The following SGK3 variants were observed in gnomAD, a reference collection of about 807,000 sequenced individuals.
The protein encoded by SGK3 is serine/threonine-protein kinase Sgk3.
In SGK3, 47 loss-of-function variants were observed where a neutral mutation model predicts 68.5. That is an observed-to-expected ratio of 0.69 (90% CI 0.54 to 0.87). SGK3 has a LOEUF of 0.87. Among genes scored for constraint, SGK3 ranks in the 40% least tolerant of loss-of-function variants. The pLI is 0.00. For missense variants in SGK3, 479 were observed against 575.5 expected, an observed-to-expected ratio of 0.83 and a Z score of 1.72; for synonymous variants, 181 against 189.1, an observed-to-expected ratio of 0.96 and a Z score of 0.35.
At chr8:66,777,733 A>G (rs1048772589) in intron 1 of SGK3, among the ~76,000 whole-genome samples, 1 of 152,192 alleles carries the variant, frequency 6.6e-6, no homozygotes, top group Non-Finnish European at 1.5e-5. Context: ...CCAGAGTGAA[A>G]AGCCTGACAT....
At chr8:66,718,449 A>G (rs755075416) in intron 1 of SGK3, among the ~76,000 whole-genome samples, 17 of 147,162 alleles carry the variant, frequency 1.2e-4, no homozygotes, top group South Asian at 2.2e-4. Context: ...TATATATATT[A>G]TGTGTGTGTG....
At chr8:66,745,686 A>G (rs988871353) in intron 1 of SGK3, among the ~76,000 whole-genome samples, 1 of 152,208 alleles carries the variant, frequency 6.6e-6, no homozygotes, top group African/African-American at 2.4e-5. Context: ...AGAATGCCTG[A>G]GACTGGGTAA....
Position 66,859,547 on chromosome 8 carries a change from C to T in SGK3, c.1457C>T (p.Ser486Phe). The T allele has an allele frequency of 6.2e-7, 1 of 1,612,440 alleles. No homozygotes were observed. Among genetic ancestry groups the T allele is most frequent in the Non-Finnish European group, 8.5e-7 (1 of 1,178,948 alleles). ...GCAGATGATGCATTCGTTGGTTTCTCTTATGCACCTCCTTCAGAAGACTTA... is the reference window on the plus strand; with the variant it reads ...GCAGATGATGCATTCGTTGGTTTCTTTTATGCACCTCCTTCAGAAGACTTA... ...LEADDAFVGF[S>F]YAPPSEDLFL The change falls in exon 17 of 17, where the codon TCT becomes TTT. Residue 486 changes from serine to phenylalanine, a missense_variant. Physicochemically the swap from Ser to Phe is radical, Grantham distance 155 (BLOSUM62 -2). Transcript: ENST00000521198.
chr8:66,847,012 C>G (rs149107758), intron 14 of SGK3, among the ~76,000 whole-genome samples, 181 bp from the exon 15 acceptor site: 180 of 152,270 alleles, frequency 1.2e-3, no homozygotes, highest in African/African-American at 4.2e-3. Flanking sequence ...TTATTAAGCT[C>G]TGTGATGTGT....
chr8:66,736,118 G>A (rs1265202313), intron 1 of SGK3, among the ~76,000 whole-genome samples: 1 of 152,098 alleles, frequency 6.6e-6, no homozygotes, highest in Non-Finnish European at 1.5e-5. Context: ...ATTATAGGTC[G>A]AATGGTGGTT....
rs369610735 is a variant in SGK3 at position 66,835,932 on chromosome 8, C to G, written c.610-11C>G. On this transcript the variant is annotated splice_polypyrimidine_tract_variant and intron_variant, in intron 9 of 16. Transcript: ENST00000521198. Reference sequence around the variant, plus strand: ...GTGTATAATACAATTGATCTTTTGCCTTTTTTCCAGCAAAAACATATTATG... The same window carrying G: ...GTGTATAATACAATTGATCTTTTGCGTTTTTTCCAGCAAAAACATATTATG... 116 of 1,612,102 alleles carry G rather than the reference C, an allele frequency of 7.2e-5. No individual in the cohort carries two copies. In the Middle Eastern group the frequency reaches 1.5e-3, roughly 21 times the overall value.
chr8:66,847,016 G>A (rs1467194164), intron 14 of SGK3, among the ~76,000 whole-genome samples, 177 bp from the exon 15 acceptor site: 1 of 152,198 alleles, frequency 6.6e-6, no homozygotes, highest in Non-Finnish European at 1.5e-5. Flanking sequence ...TAAGCTCTGT[G>A]ATGTGTTCGG....
intron 1 of SGK3, among the ~76,000 whole-genome samples, chr8:66,738,497 T>C (rs1289175991): frequency 1.3e-5 from 2 of 152,232 alleles, no homozygotes; most frequent in Non-Finnish European, 2.9e-5. Context: ...CTTCTGCTTA[T>C]CTACTGGCAT....
intron 1 of SGK3, among the ~76,000 whole-genome samples, chr8:66,738,068 C>A (rs1304066135): frequency 6.6e-6 from 1 of 152,026 alleles, no homozygotes. Context: ...GTCCCACCCC[C>A]ACATTTTCAC....
chr8:66,854,104 T>G (rs1810406165), intron 16 of SGK3, among the ~76,000 whole-genome samples: 1 of 152,206 alleles, frequency 6.6e-6, no homozygotes, highest in Non-Finnish European at 1.5e-5. Context: ...ACTTTAATCC[T>G]CAGAAAAACT....
At chr8:66,847,136 C>T in intron 14 of SGK3, 57 bp from the exon 15 acceptor site, 1 of 1,570,470 alleles carries the variant, frequency 6.4e-7, no homozygotes. Flanking sequence ...CCATTTTAAC[C>T]CCATTTGCGC....
intron 1 of SGK3, among the ~76,000 whole-genome samples, chr8:66,766,839 T>C (rs903289244): frequency 2.6e-5 from 4 of 152,206 alleles, no homozygotes; most frequent in Admixed American, 2.6e-4. Flanking sequence ...CTTGATATAT[T>C]CATATAGCTG....
At chr8:66,736,571 C>T (rs1456292136) in intron 1 of SGK3, among the ~76,000 whole-genome samples, 3 of 151,614 alleles carry the variant, frequency 2.0e-5, no homozygotes, top group African/African-American at 7.3e-5. Context: ...AATCCTCCTT[C>T]GTTAGCCTCC....
chr8:66,718,727 C>T (rs886451645), intron 1 of SGK3, among the ~76,000 whole-genome samples: 2 of 151,886 alleles, frequency 1.3e-5, no homozygotes, highest in Non-Finnish European at 2.9e-5. Flanking sequence ...AGGGTTTCTC[C>T]AGGTTGGTCA....
At chr8:66,746,559 A>T (rs75854139) in intron 1 of SGK3, among the ~76,000 whole-genome samples, 4,570 of 146,876 alleles carry the variant, frequency 0.031, 239 homozygotes, top group African/African-American at 0.1. Context: ...CTGTCTCTAC[A>T]TTTTTTTTTT....
chr8:66,856,111 A>G (rs921839146), intron 16 of SGK3, among the ~76,000 whole-genome samples: 10 of 150,394 alleles, frequency 6.6e-5, no homozygotes, highest in Non-Finnish European at 1.5e-4. Context: ...TCTGTCACCC[A>G]GGCTGGAGTG....
chr8:66,784,098 A>T (rs1490454986), intron 1 of SGK3, among the ~76,000 whole-genome samples: 1 of 151,864 alleles, frequency 6.6e-6, no homozygotes, highest in South Asian at 2.1e-4. Context: ...ACAGGCTCTC[A>T]CTATATTTCC....
intron 1 of SGK3, among the ~76,000 whole-genome samples, chr8:66,776,114 T>C (rs1806702253): frequency 6.6e-6 from 1 of 152,236 alleles, no homozygotes; most frequent in Non-Finnish European, 1.5e-5. Context: ...CTCAGAGCTG[T>C]TGCTAGAAAT....
chr8:66,798,039 G>A (rs1459770429), intron 2 of SGK3, among the ~76,000 whole-genome samples: 4 of 147,964 alleles, frequency 2.7e-5, no homozygotes, highest in South Asian at 2.1e-4. Flanking sequence ...TCATGATCTC[G>A]CTTTGACACT....
Sources: gnomAD v4.1 joint callset for allele counts (sites outside exome capture counted in the v4.1 genomes callset) on GRCh38, gnomAD v4.1.1 for gene constraint, MANE v1.5 for transcripts, NCBI Gene and HGNC (gene_info 2026-07-23, HGNC 2026-07-21) for gene names.